PCBP3: variants seen among roughly 807,000 people sequenced by gnomAD.
The protein encoded by PCBP3 is poly(rC) binding protein 3.
A neutral mutation model predicts 52.7 loss-of-function variants in PCBP3; 25 were observed. The observed-to-expected ratio is 0.47, with a 90% CI of 0.35 to 0.66. The LOEUF (loss-of-function observed/expected upper bound fraction) is 0.66. Among genes scored for constraint, PCBP3 ranks in the 30% least tolerant of loss-of-function variants. The pLI is 0.01. For missense variants in PCBP3, 391 were observed against 490.3 expected, an observed-to-expected ratio of 0.80 and a Z score of 1.91; for synonymous variants, 162 against 183.0, an observed-to-expected ratio of 0.89 and a Z score of 0.93.
intron 2 of PCBP3, among the ~76,000 whole-genome samples, chr21:45,708,809 C>T (rs1042103779): frequency 6.6e-5 from 10 of 152,182 alleles, no homozygotes; most frequent in Non-Finnish European, 7.3e-5. Flanking sequence ...GTTTCAAGGG[C>T]GGAAGAATCC....
intron 16 of PCBP3, among the ~76,000 whole-genome samples, chr21:45,939,483 G>A (rs2149597998): frequency 6.6e-6 from 1 of 152,382 alleles, no homozygotes; most frequent in Admixed American, 6.5e-5. Flanking sequence ...GCACCCGAAT[G>A]GCCTCAGAGT....
chr21:45,772,721 A>G (rs1054050191), intron 4 of PCBP3, among the ~76,000 whole-genome samples: 1 of 152,066 alleles, frequency 6.6e-6, no homozygotes, highest in African/African-American at 2.4e-5. Context: ...ATCCTCACCA[A>G]CACCTGTTAT....
intron 4 of PCBP3, among the ~76,000 whole-genome samples, chr21:45,765,970 G>A (rs757244909): frequency 1.3e-5 from 2 of 152,224 alleles, no homozygotes; most frequent in African/African-American, 2.4e-5. Flanking sequence ...GTGCAGTAAC[G>A]TTAATGGTCA....
intron 3 of PCBP3, chr21:45,749,780 AG>A (rs1322738852): frequency 6.6e-6 from 1 of 152,258 alleles, no homozygotes; most frequent in African/African-American, 2.4e-5. Context: ...TCATCACCAC[AG>A]CACCATTGTC....
chr21:45,651,022 T>C (rs1018749746), intron 1 of PCBP3, among the ~76,000 whole-genome samples: 9 of 152,138 alleles, frequency 5.9e-5, no homozygotes, highest in Non-Finnish European at 8.8e-5. Context: ...TGGGAACAGA[T>C]TCTTCCCGTC....
chr21:45,805,186 A>G lies in PCBP3; in HGVS notation c.-125-44775A>G, dbSNP rs1195408474. 6.6e-6 allele frequency among the ~76,000 whole-genome samples: 1 copy of G among 151,848 alleles called. No individual in the cohort carries two copies. Among genetic ancestry groups the G allele is most frequent in the Non-Finnish European group, 1.5e-5 (1 of 67,972 alleles). ...TAGCCGGGCACTATGCCACAGCCAC[A>G]CCCCTGTGGCCTGGCCCCCATGGCA... On this transcript the variant is annotated intron_variant, in intron 4 of 17. Transcript: ENST00000681687. This position sits in a 1 kb window ranked among gnomAD's most constrained non-coding sequence, Gnocchi z 4.6.
chr21:45,819,108 A>T (rs968983490), intron 4 of PCBP3, among the ~76,000 whole-genome samples: 10 of 152,164 alleles, frequency 6.6e-5, no homozygotes, highest in Non-Finnish European at 1.2e-4. Flanking sequence ...CATTTGCCCA[A>T]ACCACAGAGT....
chr21:45,697,826 G>A (rs2082877307), intron 2 of PCBP3, among the ~76,000 whole-genome samples: 1 of 151,838 alleles, frequency 6.6e-6, no homozygotes, highest in African/African-American at 2.4e-5. Context: ...GACAGAACAT[G>A]TAGCCATGGC....
chr21:45,893,944 T>C (rs1171541553), intron 5 of PCBP3: 4 of 985,360 alleles, frequency 4.1e-6, no homozygotes, highest in Non-Finnish European at 4.8e-6. Flanking sequence ...AGATGGCCAG[T>C]GTTAGCTGGG....
chr21:45,766,586 G>C (rs571505436), intron 4 of PCBP3, among the ~76,000 whole-genome samples: 1 of 152,354 alleles, frequency 6.6e-6, no homozygotes, highest in East Asian at 1.9e-4. Context: ...GTTCTGTTAT[G>C]GCAGCTGAGC....
At chr21:45,818,790 C>A (rs2093041794) in intron 4 of PCBP3, among the ~76,000 whole-genome samples, 1 of 152,150 alleles carries the variant, frequency 6.6e-6, no homozygotes, top group African/African-American at 2.4e-5. Context: ...AATGAATACA[C>A]CAGTGGTGCA....
At chr21:45,902,847 C>T (rs963646843) in intron 9 of PCBP3, among the ~76,000 whole-genome samples, 12 of 152,370 alleles carry the variant, frequency 7.9e-5, no homozygotes, top group Middle Eastern at 3.4e-3. Context: ...TGTGCCAACA[C>T]GTCTTCCACC....
chr21:45,781,385 CAT>C (rs975849295), intron 4 of PCBP3, among the ~76,000 whole-genome samples: 4 of 152,136 alleles, frequency 2.6e-5, no homozygotes, highest in Non-Finnish European at 5.9e-5. Flanking sequence ...CAAACGAAGA[CAT>C]GTGACTGGCA....
intron 1 of PCBP3, among the ~76,000 whole-genome samples, chr21:45,667,552 T>C (rs1259782945): frequency 6.6e-6 from 1 of 152,218 alleles, no homozygotes; most frequent in African/African-American, 2.4e-5. Flanking sequence ...TCTTTATTGA[T>C]ATCTGCTTGG....
At chr21:45,901,218 C>G in intron 9 of PCBP3, 105 bp downstream of exon 9, 1 of 790,284 alleles carries the variant, frequency 1.3e-6, no homozygotes, top group South Asian at 1.4e-5. Flanking sequence ...GATGCCCCAG[C>G]CCGCCCAGGC....
At chr21:45,938,735 G>A (rs558077056) in intron 16 of PCBP3, among the ~76,000 whole-genome samples, 1 of 152,202 alleles carries the variant, frequency 6.6e-6, no homozygotes, top group East Asian at 1.9e-4. Context: ...CAGAGTGGGG[G>A]TCTCTGTGGA....
At chr21:45,666,077 G>GA (rs2080775278) in intron 1 of PCBP3, among the ~76,000 whole-genome samples, 1 of 152,020 alleles carries the variant, frequency 6.6e-6, no homozygotes, top group African/African-American at 2.4e-5. Context: ...ATCTTTTCAT[G>GA]AAAAAATCCT....
At chr21:45,823,577 G>A (rs779454372) in intron 4 of PCBP3, among the ~76,000 whole-genome samples, 33 of 152,202 alleles carry the variant, frequency 2.2e-4, no homozygotes, top group Admixed American at 1.6e-3. Flanking sequence ...CATGGGCTGC[G>A]ATCTTTGGCT....
At chr21:45,646,053 T>TTCTCTCTCTCTCTCTCTCTCTC (rs10682556) in intron 1 of PCBP3, among the ~76,000 whole-genome samples, 1 of 71,540 alleles carries the variant, frequency 1.4e-5, no homozygotes, top group African/African-American at 4.7e-5. Context: ...TGTCACCTGT[T>TTCTCTCTCTCTCTCTCTCTCTC]TCTCTCTCTC....
Sources: gnomAD v4.1 joint callset for allele counts (sites outside exome capture counted in the v4.1 genomes callset) on GRCh38, gnomAD v4.1.1 for gene constraint, Gnocchi (gnomAD v3.1) non-coding constraint, MANE v1.5 for transcripts, NCBI Gene and HGNC (gene_info 2026-07-23, HGNC 2026-07-21) for gene names.